Variants in LARP1B observed in about 807,000 individuals in gnomAD.
LARP1B encodes the protein la-related protein 1B.
A neutral mutation model predicts 114.2 loss-of-function variants in LARP1B; 76 were observed. The ratio of observed to expected loss-of-function variants is 0.67; its 90% CI spans 0.55 to 0.81. LARP1B has a LOEUF of 0.81. Ranked by LOEUF, LARP1B falls within the 30% of genes least tolerant of loss-of-function variation. LARP1B has a pLI of 0.00. For missense variants in LARP1B, 1,014 were observed against 1,075.8 expected, an observed-to-expected ratio of 0.94 and a Z score of 0.80; for synonymous variants, 345 against 348.0, an observed-to-expected ratio of 0.99 and a Z score of 0.10.
chr4:128,150,661 A>C (rs752495428), intron 11 of LARP1B, among the ~76,000 whole-genome samples: 55 of 151,882 alleles, frequency 3.6e-4, no homozygotes, highest in Non-Finnish European at 6.9e-4. Flanking sequence ...CCCGAGAAGC[A>C]GAAGTTGCAG....
intron 8 of LARP1B, among the ~76,000 whole-genome samples, chr4:128,105,106 T>TA (rs1025871115): frequency 2.4e-4 from 36 of 151,624 alleles, no homozygotes; most frequent in African/African-American, 8.2e-4. Flanking sequence ...GGATAGATAA[T>TA]ACATGGTAAA....
chr4:128,083,758 C>T (rs1386142682), intron 5 of LARP1B, among the ~76,000 whole-genome samples: 1 of 147,464 alleles, frequency 6.8e-6, no homozygotes, highest in Non-Finnish European at 1.5e-5. Flanking sequence ...TGGGCAGAGG[C>T]GCCCCTCACC....
At chr4:128,072,216 C>A (rs1253606629) in intron 1 of LARP1B, among the ~76,000 whole-genome samples, 1 of 151,752 alleles carries the variant, frequency 6.6e-6, no homozygotes, top group African/African-American at 2.4e-5. Flanking sequence ...GGCCAGGCTG[C>A]TCTCAAACTC....
At chr4:128,164,997 A>G (rs531530185) in intron 12 of LARP1B, among the ~76,000 whole-genome samples, 3 of 152,276 alleles carry the variant, frequency 2.0e-5, no homozygotes, top group South Asian at 2.1e-4. Context: ...AAAATAAAAA[A>G]GGGATGTATA....
intron 11 of LARP1B, among the ~76,000 whole-genome samples, chr4:128,130,405 A>G (rs1345796513): frequency 2.0e-5 from 3 of 152,228 alleles, no homozygotes; most frequent in South Asian, 2.1e-4. Context: ...ACACTTCACC[A>G]AAGAAGATAA....
rs1354858605 is a variant in LARP1B, at chr4:128,156,059, C to G, written c.1525-6135C>G. ...CACACCCCCAAGCTCATGACCACAC[C>G]CTCCCTAACTCCTTTCACCCCCAGC... On this transcript the variant is annotated intron_variant, in intron 11 of 19. Coordinates refer to ENST00000326639, the MANE Select transcript of LARP1B (RefSeq NM_018078.4). 6.3e-6 allele frequency: 10 copies of G among 1,588,640 alleles called. No individual in the cohort carries two copies. The South Asian group carries it at 1.0e-4, about 17-fold the overall frequency.
At chr4:128,080,536 A>G (rs919334092) in intron 4 of LARP1B, among the ~76,000 whole-genome samples, 1 of 152,200 alleles carries the variant, frequency 6.6e-6, no homozygotes, top group African/African-American at 2.4e-5. Flanking sequence ...TAGGATATCA[A>G]TATTGTAGTT....
chr4:128,135,821 T>C (rs1344229568), intron 11 of LARP1B, among the ~76,000 whole-genome samples: 1 of 152,154 alleles, frequency 6.6e-6, no homozygotes, highest in Non-Finnish European at 1.5e-5. Context: ...TTATTTTTGC[T>C]AGATGAAAGT....
At position 128,156,063 on chromosome 4, in the gene LARP1B, C is replaced by G; in HGVS notation, c.1525-6131C>G. 4 of 1,592,090 alleles carry G rather than the reference C, an allele frequency of 2.5e-6. No homozygotes were observed. The South Asian group carries it at 3.5e-5, about 14-fold the overall frequency. On this transcript the variant is annotated intron_variant, in intron 11 of 19. Coordinates refer to ENST00000326639, the MANE Select transcript of LARP1B (RefSeq NM_018078.4). ...CCCCCAAGCTCATGACCACACCCTC[C>G]CTAACTCCTTTCACCCCCAGCCTGG...
At chr4:128,153,305 A>G (rs1440866374) in intron 11 of LARP1B, among the ~76,000 whole-genome samples, 2 of 49,740 alleles carry the variant, frequency 4.0e-5, no homozygotes, top group African/African-American at 2.9e-4. Flanking sequence ...TTATTTATTT[A>G]TTTATTTATT....
chr4:128,168,557 T>C (rs1455708144), intron 12 of LARP1B, among the ~76,000 whole-genome samples: 3 of 152,108 alleles, frequency 2.0e-5, no homozygotes, highest in Non-Finnish European at 4.4e-5. Context: ...GTATATCTTT[T>C]GGGCCAGTTG....
chr4:128,107,566 G>A, intron 9 of LARP1B: 1 of 1,366,156 alleles, frequency 7.3e-7, no homozygotes, highest in South Asian at 1.7e-5. Flanking sequence ...GTCATGTATG[G>A]AGTTTCTATC....
chr4:128,070,641 A>G (rs1764885747), intron 1 of LARP1B, among the ~76,000 whole-genome samples: 1 of 152,168 alleles, frequency 6.6e-6, no homozygotes, highest in Non-Finnish European at 1.5e-5. Context: ...AGCCTGGGCA[A>G]CGAGTGAAAT....
In LARP1B at chr4:128,093,075, A is replaced by G. The variant is rs140832165; in HGVS notation, c.668+1563A>G. 6.3e-4 allele frequency: 623 copies of G among 981,514 alleles called. 3 individuals carry two copies. The African/African-American group carries it at 0.01, about 16-fold the overall frequency. 60.8% of individuals were successfully genotyped at this position (981,514 alleles called of 1,614,324 possible). A position where few individuals can be genotyped will look rare whatever the true frequency, so the allele number is the denominator to read the frequency against. On this transcript the variant is annotated intron_variant, in intron 7 of 19. Transcript: ENST00000326639. Reference sequence around the variant, plus strand: ...CCTAGGACACTGAGCAAAATGTCAGACATGGCATTGGTCATGCCTCTTTTT... The same window carrying G: ...CCTAGGACACTGAGCAAAATGTCAGGCATGGCATTGGTCATGCCTCTTTTT...
intron 13 of LARP1B, 112 bp downstream of exon 13, chr4:128,177,019 G>A: frequency 2.1e-6 from 2 of 935,470 alleles, no homozygotes; most frequent in Non-Finnish European, 3.5e-6. Context: ...GAAAAGATAT[G>A]GAACAAGGAA....
At chr4:128,084,575 G>A (rs921668354) in intron 5 of LARP1B, among the ~76,000 whole-genome samples, 1 of 151,592 alleles carries the variant, frequency 6.6e-6, no homozygotes, top group African/African-American at 2.4e-5. Context: ...GATGGCAGCA[G>A]TACAGTCCAG....
intron 18 of LARP1B, chr4:128,206,910 A>C (rs1442586315): frequency 1.2e-6 from 1 of 850,210 alleles, no homozygotes; most frequent in South Asian, 5.4e-5. Flanking sequence ...TGCTAGGTGC[A>C]AATTCCCTTT....
At chr4:128,076,453 C>G (rs548090399) in intron 3 of LARP1B, among the ~76,000 whole-genome samples, 1 of 152,096 alleles carries the variant, frequency 6.6e-6, no homozygotes, top group South Asian at 2.1e-4. Context: ...GTCAGCAGTT[C>G]ATTCTTTTTT....
intron 7 of LARP1B, among the ~76,000 whole-genome samples, chr4:128,095,334 C>T (rs906561725): frequency 5.9e-5 from 9 of 151,382 alleles, no homozygotes; most frequent in African/African-American, 1.9e-4. Context: ...ACTAAGAATA[C>T]AAAAATTAGC....
Sources: gnomAD v4.1 joint callset for allele counts (sites outside exome capture counted in the v4.1 genomes callset) on GRCh38, gnomAD v4.1.1 for gene constraint, MANE v1.5 for transcripts, NCBI Gene and HGNC (gene_info 2026-07-23, HGNC 2026-07-21) for gene names.